AREL1: variants seen among roughly 807,000 people sequenced by gnomAD.
AREL1 encodes apoptosis resistant E3 ubiquitin protein ligase 1, also known as apoptosis-resistant E3 ubiquitin protein ligase 1.
A neutral mutation model predicts 99.0 loss-of-function variants in AREL1; 62 were observed. The ratio of observed to expected loss-of-function variants is 0.63; its 90% CI spans 0.51 to 0.77. The LOEUF (loss-of-function observed/expected upper bound fraction) is 0.77. Among genes scored for constraint, AREL1 ranks in the 30% least tolerant of loss-of-function variants. The pLI, the probability that AREL1 is intolerant of heterozygous loss-of-function variation, is 0.00. For synonymous variants in AREL1, 380 were observed against 376.5 expected, an observed-to-expected ratio of 1.01 and a Z score of -0.11; for missense variants, 879 against 1,027.6, an observed-to-expected ratio of 0.86 and a Z score of 1.98.
At chr14:74,689,215 T>C (rs4899529) in intron 2 of AREL1, among the ~76,000 whole-genome samples, 4,456 of 152,140 alleles carry the variant, frequency 0.029, 143 homozygotes, top group African/African-American at 0.079. Context: ...GTAAGCATTT[T>C]CTGTAAGCAT....
In AREL1 at chr14:74,673,928, G is replaced by A. The variant is rs1342494667; in HGVS notation, c.1158+106C>T. 7.7e-6 allele frequency: 7 copies of A among 907,976 alleles called. No homozygotes were observed. The East Asian group carries it at 1.9e-4, about 24-fold the overall frequency. 56.2% of individuals were successfully genotyped at this position (907,976 alleles called of 1,614,324 possible). On this transcript the variant is annotated intron_variant, in intron 9 of 19. Coordinates refer to ENST00000356357, the MANE Select transcript of AREL1 (RefSeq NM_001039479.2). ...TGGCAACGAATCCTGTGTACACTGTGAGATCTTGCAGAAACACTAAAAGTG... is the reference window on the plus strand; with the variant it reads ...TGGCAACGAATCCTGTGTACACTGTAAGATCTTGCAGAAACACTAAAAGTG...
intron 5 of AREL1, among the ~76,000 whole-genome samples, chr14:74,678,788 TAAAAACTTTTGGG>T (rs2089556358): frequency 6.6e-6 from 1 of 151,544 alleles, no homozygotes; most frequent in African/African-American, 2.4e-5. Flanking sequence ...TTTCAAACTG[TAAAAACTTTTGGG>T]AAAAAAAGAG....
In AREL1 at chr14:74,687,712, G is replaced by T. The variant is rs950079113; in HGVS notation, c.-45-2052C>A. ...TTAAATGAGTTAACACATGTAAGCA[G>T]CCTACAGTAGTGCCTGGCACACAGT... On this transcript the variant is annotated intron_variant, in intron 2 of 19. Coordinates refer to ENST00000356357, the MANE Select transcript of AREL1 (RefSeq NM_001039479.2). 1.3e-4 allele frequency among the ~76,000 whole-genome samples: 20 copies of T among 152,138 alleles called. 1 individual carries two copies. The highest frequency in any genetic ancestry group is 1.3e-3 in the Admixed American group (20 of 15,274).
At chr14:74,703,186 A>G (rs1180026375) in intron 1 of AREL1, among the ~76,000 whole-genome samples, 1 of 152,248 alleles carries the variant, frequency 6.6e-6, no homozygotes, top group Non-Finnish European at 1.5e-5. Context: ...CTTCTAAAGA[A>G]AAAAGGTTGA....
intron 2 of AREL1, among the ~76,000 whole-genome samples, chr14:74,690,425 A>G (rs901375551): frequency 2.6e-5 from 4 of 152,206 alleles, no homozygotes; most frequent in African/African-American, 9.6e-5. Context: ...TAGAGTTTGA[A>G]AGGATTTCTC....
rs752520106 is a variant in AREL1, at chr14:74,667,345, C to A, written c.2077G>T (p.Ala693Ser). Residue 693 changes from alanine (A) to serine (S), a missense_variant, in exon 17 of 20, where the codon GCT becomes TCT. Physicochemically the swap from Ala to Ser is moderately conservative, Grantham distance 99 (BLOSUM62 1). Transcript: ENST00000356357. ...TCAAGCTCATTCTCATCAAAAATAG[C>A]CAAAAGGTTCTCAGGGACCAATTCA... The part of the protein sequence containing the change: ...LNELVPENLL[A>S]IFDENELELL... 5.0e-6 allele frequency: 8 copies of A among 1,613,982 alleles called. No homozygotes were observed. Among genetic ancestry groups the A allele is most frequent in the African/African-American group, 1.3e-5 (1 of 74,902 alleles).
At chr14:74,671,910 C>G (rs1235824420) in intron 11 of AREL1, 1 of 419,420 alleles carries the variant, frequency 2.4e-6, no homozygotes, top group Non-Finnish European at 4.9e-6. Context: ...TAGGTTCAGA[C>G]AGCGAGCCAT....
chr14:74,663,663 AACTT>A lies in AREL1; in HGVS notation c.*53_*56del. ...TAGGATCAGTGGTTATGATGTCTGT[AACTT>A]GCGCCCAGAAGCTCCAGAGAGCATG... On this transcript the variant is annotated 3_prime_UTR_variant, in exon 20 of 20. Coordinates refer to ENST00000356357, the MANE Select transcript of AREL1 (RefSeq NM_001039479.2). 6.6e-7 allele frequency: 1 copy of A among 1,515,572 alleles called. No individual in the cohort carries two copies. The highest frequency in any genetic ancestry group is 9.2e-7 in the Non-Finnish European group (1 of 1,092,098). 93.9% of individuals were successfully genotyped at this position (1,515,572 alleles called of 1,614,324 possible).
chr14:74,690,255 C>A (rs1420551278), intron 2 of AREL1, among the ~76,000 whole-genome samples: 1 of 130,024 alleles, frequency 7.7e-6, no homozygotes, highest in Non-Finnish European at 1.6e-5. Context: ...CAGAGCAAGA[C>A]CCTGTCTCCA....
intron 11 of AREL1, among the ~76,000 whole-genome samples, chr14:74,672,278 C>T (rs1257335342): frequency 6.6e-6 from 1 of 152,144 alleles, no homozygotes; most frequent in African/African-American, 2.4e-5. Flanking sequence ...AACATACCTC[C>T]AACAAAACTG....
intron 11 of AREL1, chr14:74,671,941 G>A (rs2089356362): frequency 2.2e-6 from 1 of 449,424 alleles, no homozygotes; most frequent in African/African-American, 2.0e-5. Flanking sequence ...GAATATGGCT[G>A]AGAAAACGGG....
chr14:74,673,030 G>A, intron 10 of AREL1, 47 bp downstream of exon 10: 1 of 1,613,974 alleles, frequency 6.2e-7, no homozygotes, highest in Non-Finnish European at 8.5e-7. Flanking sequence ...CCTCATGGAT[G>A]TGGCTGGGCT....
chr14:74,707,404 G>A (rs547740809), intron 1 of AREL1, among the ~76,000 whole-genome samples: 7 of 143,752 alleles, frequency 4.9e-5, no homozygotes, highest in Admixed American at 6.9e-5. Context: ...GGATCACACC[G>A]GTAATCCCAG....
In AREL1 at chr14:74,675,899, T is replaced by A. The variant is rs1459503930; in HGVS notation, c.880A>T (p.Ser294Cys). The A allele has an allele frequency of 6.2e-7, 1 of 1,613,240 alleles. No homozygotes were observed. Among genetic ancestry groups the A allele is most frequent in the East Asian group, 2.2e-5 (1 of 44,890 alleles). ...TAAAGATAAGCCTCAAAGTAAATGC[T>A]CACGCCTGAAGTGGACACATTGCGT... ...VERNVSTSGV[S>C]IYFEAYLYNA... Residue 294 changes from serine (S) to cysteine (C), a missense_variant, in exon 8 of 20, where the codon AGC becomes TGC. Physicochemically the swap from Ser to Cys is moderately radical, Grantham distance 112 (BLOSUM62 -1). Coordinates refer to ENST00000356357, the MANE Select transcript of AREL1 (RefSeq NM_001039479.2).
intron 1 of AREL1, among the ~76,000 whole-genome samples, chr14:74,694,007 T>C (rs897279081): frequency 5.3e-5 from 8 of 151,926 alleles, no homozygotes; most frequent in Non-Finnish European, 1.0e-4. Context: ...CAAAACCCCG[T>C]CTCTACAAAA....
chr14:74,698,831 C>G (rs1220244659), intron 1 of AREL1: 2 of 234,402 alleles, frequency 8.5e-6, no homozygotes, highest in Non-Finnish European at 1.8e-5. Context: ...CAAGACCAAT[C>G]TGGGTAACAT....
intron 11 of AREL1, 32 bp from the exon 12 acceptor site, chr14:74,671,515 G>C: frequency 6.8e-7 from 1 of 1,466,356 alleles, no homozygotes; most frequent in Non-Finnish European, 9.4e-7. Flanking sequence ...GGAATTGTCA[G>C]AACACTGGCT....
intron 1 of AREL1, among the ~76,000 whole-genome samples, chr14:74,707,848 T>C (rs1446981758): frequency 2.6e-4 from 38 of 148,470 alleles, no homozygotes; most frequent in African/African-American, 9.5e-4. Flanking sequence ...TCCCAGCTAC[T>C]TGGGAGGCTG....
chr14:74,670,613 A>T (rs1302228162), intron 13 of AREL1, 149 bp downstream of exon 13: 1 of 637,032 alleles, frequency 1.6e-6, no homozygotes, highest in Non-Finnish European at 2.7e-6. Context: ...GAGGAGAAAG[A>T]CAATCTGATT....
Sources: allele counts gnomAD v4.1 joint callset (sites outside exome capture counted in the v4.1 genomes callset), GRCh38; gene constraint gnomAD v4.1.1; transcripts MANE v1.5; gene names NCBI Gene and HGNC (gene_info 2026-07-23, HGNC 2026-07-21).